The following CDC42BPA variants were observed in gnomAD, a reference collection of about 807,000 sequenced individuals.
CDC42BPA encodes serine/threonine-protein kinase MRCK alpha.
Under a neutral mutation model 223.5 loss-of-function variants are expected in CDC42BPA, and 80 were observed. The observed-to-expected ratio is 0.36, with a 90% CI of 0.30 to 0.43. The LOEUF is 0.43. Among genes scored for constraint, CDC42BPA ranks in the 20% least tolerant of loss-of-function variants. CDC42BPA has a pLI of 1.00. For synonymous variants in CDC42BPA, 694 were observed against 718.6 expected, an observed-to-expected ratio of 0.97 and a Z score of 0.55; for missense variants, 1,743 against 2,099.9, an observed-to-expected ratio of 0.83 and a Z score of 3.32.
At chr1:227,186,000 C>T (rs1668718605) in intron 5 of CDC42BPA, among the ~76,000 whole-genome samples, 1 of 152,178 alleles carries the variant, frequency 6.6e-6, no homozygotes, top group African/African-American at 2.4e-5. Flanking sequence ...ACAGGGCAAA[C>T]TGTTGTCCCC....
intron 5 of CDC42BPA, among the ~76,000 whole-genome samples, chr1:227,175,288 C>G (rs1666757232): frequency 6.6e-6 from 1 of 152,004 alleles, no homozygotes; most frequent in Non-Finnish European, 1.5e-5. Context: ...AACCTATTAA[C>G]CAACACCCAG....
At chr1:227,179,486 A>C (rs1460062515) in intron 5 of CDC42BPA, among the ~76,000 whole-genome samples, 1 of 151,734 alleles carries the variant, frequency 6.6e-6, no homozygotes, top group African/African-American at 2.4e-5. Flanking sequence ...AATACAAAAA[A>C]TTAGCCGGGC....
intron 21 of CDC42BPA, among the ~76,000 whole-genome samples, chr1:227,067,755 A>G (rs900015166): frequency 1.3e-5 from 2 of 152,206 alleles, no homozygotes; most frequent in African/African-American, 2.4e-5. Context: ...CCTTTAGCAG[A>G]ACATTATGCT....
chr1:227,256,692 T>C (rs1004279810), intron 1 of CDC42BPA, among the ~76,000 whole-genome samples: 2 of 152,110 alleles, frequency 1.3e-5, no homozygotes, highest in Non-Finnish European at 2.9e-5. Flanking sequence ...CCCTCATTCA[T>C]TGCTAGAGGG....
chr1:227,297,952 G>GTATATATA (rs1416531677), intron 1 of CDC42BPA, among the ~76,000 whole-genome samples: 3 of 80,888 alleles, frequency 3.7e-5, no homozygotes, highest in African/African-American at 1.3e-4. Flanking sequence ...GTGTGTGTGT[G>GTATATATA]TGTATATATA....
At chr1:227,040,305 C>T (rs1183006175) in intron 23 of CDC42BPA, 69 bp from the exon 24 acceptor site, 2 of 846,436 alleles carry the variant, frequency 2.4e-6, no homozygotes, top group Non-Finnish European at 4.0e-6. Flanking sequence ...GTCCTTATGC[C>T]CCATACCACT....
chr1:227,105,666 T>C (rs1685794888), intron 14 of CDC42BPA, among the ~76,000 whole-genome samples: 1 of 152,194 alleles, frequency 6.6e-6, no homozygotes, highest in African/African-American at 2.4e-5. Flanking sequence ...AATTTGCCTA[T>C]TCTAAATTAT....
At chr1:227,315,368 CTAA>C (rs1415731335) in intron 1 of CDC42BPA, among the ~76,000 whole-genome samples, 1 of 151,966 alleles carries the variant, frequency 6.6e-6, no homozygotes, top group Non-Finnish European at 1.5e-5. Flanking sequence ...TACCTAAACT[CTAA>C]TAATCAGAAG....
At chr1:227,028,121 C>CA (rs10634100) in intron 30 of CDC42BPA, among the ~76,000 whole-genome samples, 101,213 of 140,126 alleles carry the variant, frequency 0.72, 36,223 homozygotes, top group East Asian at 0.87. Flanking sequence ...CTCCATCTCT[C>CA]AAAAAAAAAA....
intron 11 of CDC42BPA, among the ~76,000 whole-genome samples, chr1:227,124,878 C>A (rs1248687950): frequency 1.3e-5 from 2 of 152,096 alleles, no homozygotes; most frequent in East Asian, 3.8e-4. Flanking sequence ...ATTTCCCATT[C>A]TTCCCATTTT....
intron 2 of CDC42BPA, among the ~76,000 whole-genome samples, chr1:227,225,035 G>A (rs1226038415): frequency 6.6e-6 from 1 of 152,126 alleles, no homozygotes; most frequent in Non-Finnish European, 1.5e-5. Flanking sequence ...TAAGGAAATG[G>A]TTAAGTAAAT....
Position 227,072,305 on chromosome 1 carries a change from A to G in CDC42BPA, c.2736-6T>C, listed in dbSNP as rs373711228. On this transcript the variant is annotated splice_polypyrimidine_tract_variant and splice_region_variant and intron_variant, in intron 19 of 36. Coordinates refer to ENST00000366766, the MANE Select transcript of CDC42BPA (RefSeq NM_001394014.1). Reference sequence around the variant, plus strand: ...TCTCTGAATCTTTTAGTTTACTTAAATAAGGAGAAAAAAGGAAAAATGTCA... The same window carrying G: ...TCTCTGAATCTTTTAGTTTACTTAAGTAAGGAGAAAAAAGGAAAAATGTCA... The G allele has an allele frequency of 2.6e-6, 4 of 1,542,924 alleles. No individual in the cohort carries two copies. Among genetic ancestry groups the G allele is most frequent in the South Asian group, 1.1e-5 (1 of 88,118 alleles).
In CDC42BPA at chr1:227,083,056, GT is replaced by G. The variant is rs373824868; in HGVS notation, c.2356-2040del. ...TTCTATTAATTATTTCACTTTTAGGGTTTGTGGTATTTCTTGAATTTGTGGC... is the reference window on the plus strand; with the variant it reads ...TTCTATTAATTATTTCACTTTTAGGGTTGTGGTATTTCTTGAATTTGTGGC... On this transcript the variant is annotated intron_variant, in intron 16 of 36. Coordinates refer to ENST00000366766, the MANE Select transcript of CDC42BPA (RefSeq NM_001394014.1). Among the ~76,000 whole-genome samples, 910 of 152,118 alleles carry G rather than the reference GT, an allele frequency of 6.0e-3. 11 individuals carry two copies. Among genetic ancestry groups the G allele is most frequent in the African/African-American group, 0.021 (857 of 41,496 alleles).
rs1671078259 is a variant in CDC42BPA at position 227,040,122 on chromosome 1, T to G, written c.3199+9A>C. 1 of 1,498,780 alleles carries G rather than the reference T, an allele frequency of 6.7e-7. No homozygotes were observed. The allele number at this position is 1,498,780 out of a possible 1,614,324, so 92.8% of individuals were successfully genotyped here. A position where few individuals can be genotyped will look rare whatever the true frequency, so the allele number is the denominator to read the frequency against. On this transcript the variant is annotated intron_variant, in intron 24 of 36. Coordinates refer to ENST00000366766, the MANE Select transcript of CDC42BPA (RefSeq NM_001394014.1). ...GTGAAGTCACATTTTCTTTCCTTTG[T>G]GTTCTTACCTTCACATGAACAGCCC... is the stretch of plus-strand genomic sequence containing the variant.
At chr1:227,154,074 T>C (rs1463016101) in intron 6 of CDC42BPA, among the ~76,000 whole-genome samples, 1 of 151,960 alleles carries the variant, frequency 6.6e-6, no homozygotes, top group Non-Finnish European at 1.5e-5. Context: ...AATACTGCAA[T>C]ATAACATCTT....
At chr1:227,186,314 A>C (rs1455000700) in intron 5 of CDC42BPA, among the ~76,000 whole-genome samples, 1 of 152,234 alleles carries the variant, frequency 6.6e-6, no homozygotes, top group African/African-American at 2.4e-5. Context: ...TATCTGCTGC[A>C]TTCTGAAATA....
At chr1:227,284,978 T>A (rs35132457) in intron 1 of CDC42BPA, among the ~76,000 whole-genome samples, 91,651 of 146,636 alleles carry the variant, frequency 0.63, 28,870 homozygotes, top group East Asian at 0.74. Flanking sequence ...AAAAAAAAAA[T>A]AATCCCCTTT....
chr1:227,317,786 T>C lies in CDC42BPA; in HGVS notation c.-604A>G, dbSNP rs1694639925. ...CGGGAAAGGGAGGGGGCGAGGTCCCTGAAGCAGCCCCTCGGCTCGGAGCAC... is the reference window on the plus strand; with the variant it reads ...CGGGAAAGGGAGGGGGCGAGGTCCCCGAAGCAGCCCCTCGGCTCGGAGCAC... On this transcript the variant is annotated 5_prime_UTR_variant, in exon 1 of 37. Coordinates refer to ENST00000366766, the MANE Select transcript of CDC42BPA (RefSeq NM_001394014.1). The C allele has an allele frequency of 2.5e-6, 1 of 398,690 alleles. No individual in the cohort carries two copies. The highest frequency in any genetic ancestry group is 4.4e-6 in the Non-Finnish European group (1 of 226,120). 24.7% of individuals were successfully genotyped at this position (398,690 alleles called of 1,614,324 possible).
At chr1:227,195,128 GA>G (rs1410779147) in intron 4 of CDC42BPA, among the ~76,000 whole-genome samples, 1 of 152,172 alleles carries the variant, frequency 6.6e-6, no homozygotes. Flanking sequence ...GAAAATTAGG[GA>G]AGCAGAATAT....
Sources: allele counts gnomAD v4.1 joint callset (sites outside exome capture counted in the v4.1 genomes callset), GRCh38; gene constraint gnomAD v4.1.1; transcripts MANE v1.5; gene names NCBI Gene and HGNC (gene_info 2026-07-23, HGNC 2026-07-21).